The following DDX3X variants were observed in gnomAD, a reference collection of about 807,000 sequenced individuals.
DDX3X encodes ATP-dependent RNA helicase DDX3X.
In DDX3X, 4 loss-of-function variants were observed where a neutral mutation model predicts 52.7. The observed-to-expected ratio is 0.08, with a 90% CI of 0.04 to 0.17. The LOEUF (loss-of-function observed/expected upper bound fraction) is 0.17. Among genes scored for constraint, DDX3X ranks in the 10% least tolerant of loss-of-function variants. The pLI is 1.00. For missense variants in DDX3X, 222 were observed against 548.6 expected, an observed-to-expected ratio of 0.40 and a Z score of 5.95; for synonymous variants, 192 against 178.1, an observed-to-expected ratio of 1.08 and a Z score of -0.62.
chrX:41,334,412 G>A (rs1390277180), intron 1 of DDX3X, 115 bp downstream of exon 1: 5 of 1,132,126 alleles, frequency 4.4e-6, no homozygotes, highest in East Asian at 3.3e-5. Flanking sequence ...TGGGTGCCCC[G>A]GGCTGGCGGG....
At chrX:41,336,070 C>T (rs1412820667) in intron 1 of DDX3X, 1 of 112,100 alleles carries the variant, frequency 8.9e-6, no homozygotes, top group African/African-American at 3.2e-5. Context: ...AAAAGTATAG[C>T]ATCTGCTTCC....
chrX:41,339,908 CTTTTTTTTTTTTTT>C (rs11291103), intron 3 of DDX3X: 4 of 65,199 alleles, frequency 6.1e-5, no homozygotes, highest in Admixed American at 2.1e-4. Context: ...ATCACTTTGG[CTTTTTTTTTTTTTT>C]TTTTTTTTTG....
intron 1 of DDX3X, chrX:41,334,549 C>A: frequency 2.7e-6 from 3 of 1,092,707 alleles, no homozygotes; most frequent in Non-Finnish European, 3.6e-6. Flanking sequence ...CGTGCGCAGG[C>A]GGGCGGAGGG....
downstream of DDX3X, chrX:41,351,079 C>T (rs1381520835): frequency 1.8e-5 from 2 of 111,417 alleles, no homozygotes; most frequent in African/African-American, 6.5e-5. Context: ...GTACTTGAGT[C>T]TCGATTTAGT....
At chrX:41,334,017 C>G, upstream of DDX3X, 1 of 416,650 alleles carries the variant, frequency 2.4e-6, no homozygotes, top group Non-Finnish European at 4.2e-6. Context: ...ATCCCTTGAG[C>G]TTAGACCTGA....
At chrX:41,337,588 T>G in intron 2 of DDX3X, 123 bp downstream of exon 2, 1 of 534,657 alleles carries the variant, frequency 1.9e-6, no homozygotes. Flanking sequence ...AATTATGTAG[T>G]CTTTGTGTTA....
chrX:41,334,951 CT>C (rs1031289065), intron 1 of DDX3X: 1 of 203,839 alleles, frequency 4.9e-6, no homozygotes, highest in African/African-American at 3.2e-5. Context: ...GTTCCTTCCG[CT>C]GGCTTTTTCG....
intron 3 of DDX3X, chrX:41,340,852 A>C (rs1273171326): frequency 3.4e-6 from 1 of 295,055 alleles, no homozygotes; most frequent in Non-Finnish European, 5.9e-6. Context: ...CACACCTATA[A>C]AATGAATGGA....
chrX:41,349,935 T>C lies in DDX3X; in HGVS notation c.*2216T>C, dbSNP rs1256634640. The stretch of plus-strand genomic sequence containing the variant: ...TTTTTTCAGTGAATGTCTGGCACAT[T>C]GCAATCCTCAAACATGTGGTTATCT... On this transcript the variant is annotated 3_prime_UTR_variant, in exon 17 of 17. Coordinates refer to ENST00000644876, the MANE Select transcript of DDX3X (RefSeq NM_001356.5). 10 of 109,190 alleles carry C rather than the reference T, an allele frequency of 9.2e-5. No homozygotes were observed. Among genetic ancestry groups the C allele is most frequent in the Admixed American group, 8.9e-4 (9 of 10,117 alleles). The allele number at this position is 109,190 out of a possible 1,213,427, so 9.0% of individuals were successfully genotyped here.
intron 1 of DDX3X, among the ~76,000 whole-genome samples, chrX:41,336,967 T>C (rs779856402): frequency 3.1e-4 from 35 of 112,249 alleles, no homozygotes; most frequent in African/African-American, 1.0e-3. Flanking sequence ...GTTTAAAATA[T>C]CAAGTATTAC....
intron 5 of DDX3X, among the ~76,000 whole-genome samples, chrX:41,362,308 C>T (rs774158589): frequency 9.1e-5 from 10 of 110,250 alleles, no homozygotes; most frequent in Admixed American, 1.9e-4. Flanking sequence ...AGGCTGGTCT[C>T]GAACTCCTGA....
At chrX:41,340,666 G>C (rs2063837476) in intron 3 of DDX3X, 3 of 282,489 alleles carry the variant, frequency 1.1e-5, no homozygotes, top group Non-Finnish European at 1.2e-5. Context: ...GCTTATAGTA[G>C]ATGAACCACT....
At position 41,350,018 on chromosome X, in the gene DDX3X, T is replaced by C. The variant is rs1333959339; in HGVS notation, c.*2299T>C. 1.8e-5 allele frequency: 2 copies of C among 111,581 alleles called. No homozygotes were observed. Among genetic ancestry groups the C allele is most frequent in the East Asian group, 2.8e-4 (1 of 3,569 alleles). 9.2% of individuals were successfully genotyped at this position (111,581 alleles called of 1,213,427 possible). Reference sequence around the variant, plus strand: ...TTCAGCAATAGCATTTGAGCAAGTTTTATCAGCAAGCAATATTTTCAGTTA... The same window carrying C: ...TTCAGCAATAGCATTTGAGCAAGTTCTATCAGCAAGCAATATTTTCAGTTA... On this transcript the variant is annotated 3_prime_UTR_variant, in exon 17 of 17. Coordinates refer to ENST00000644876, the MANE Select transcript of DDX3X (RefSeq NM_001356.5).
intron 5 of DDX3X, among the ~76,000 whole-genome samples, chrX:41,360,001 A>AATG (rs1197313820): frequency 1.8e-5 from 2 of 108,369 alleles, no homozygotes; most frequent in Non-Finnish European, 3.8e-5. Context: ...TAATAATAAT[A>AATG]AATAAATACA....
intron 10 of DDX3X, 27 bp downstream of exon 10, chrX:41,344,426 T>C: frequency 8.4e-7 from 1 of 1,195,341 alleles, no homozygotes; most frequent in East Asian, 3.0e-5. Context: ...TTTTGTTTTT[T>C]TGTTTTGTTT....
intron 5 of DDX3X, chrX:41,358,042 T>C: frequency 4.7e-6 from 1 of 213,626 alleles, no homozygotes; most frequent in Non-Finnish European, 8.4e-6. Context: ...GAAGGTTTCC[T>C]ATCTGGGACA....
rs925081707 is a variant in DDX3X at position 41,342,436 on chromosome X, G to T, written c.285-59G>T. 78 of 1,158,349 alleles carry T rather than the reference G, an allele frequency of 6.7e-5. No homozygotes were observed. The African/African-American group carries it at 1.3e-3, about 19-fold the overall frequency. ...TCTCCAGATACAGTTCTAGAGTAGG[G>T]ATAAGAATCTGATAATGGTTAAATG... On this transcript the variant is annotated intron_variant, in intron 4 of 16. Coordinates refer to ENST00000644876, the MANE Select transcript of DDX3X (RefSeq NM_001356.5).
intron 1 of DDX3X, chrX:41,334,593 A>G (rs1234389235): frequency 1.8e-5 from 19 of 1,080,517 alleles, no homozygotes; most frequent in Non-Finnish European, 2.3e-5. Flanking sequence ...GGGGACGCGC[A>G]TGCGCGAATC....
intron 4 of DDX3X, 31 bp from the exon 5 acceptor site, chrX:41,342,464 A>T: frequency 8.3e-7 from 1 of 1,203,054 alleles, no homozygotes; most frequent in Non-Finnish European, 1.1e-6. Flanking sequence ...GTTAAATGAT[A>T]TGATTCTGAT....
Sources: gnomAD v4.1 joint callset for allele counts (sites outside exome capture counted in the v4.1 genomes callset) on GRCh38, gnomAD v4.1.1 for gene constraint, MANE v1.5 for transcripts, NCBI Gene and HGNC (gene_info 2026-07-23, HGNC 2026-07-21) for gene names.